NKX6-1: variants seen among roughly 807,000 people sequenced by gnomAD.
NKX6-1 encodes homeobox protein Nkx-6.1.
NKX6-1 carries 11 observed loss-of-function variants against 24.9 expected under a neutral mutation model. The observed-to-expected ratio is 0.44, with a 90% confidence interval of 0.28 to 0.73. NKX6-1 has a LOEUF of 0.73. Ranked by LOEUF, NKX6-1 falls within the 30% of genes least tolerant of loss-of-function variation. The probability of loss-of-function intolerance (pLI) is 0.15; values close to 1 mark genes in which losing one functional copy is unlikely to be tolerated. For missense variants in NKX6-1, 487 were observed against 502.9 expected (o/e 0.97, Z 0.30); for synonymous variants, 277 against 242.9 (o/e 1.14, Z -1.31).
rs1720753968 is a variant in NKX6-1, at chr4:84,493,041, C to T, written c.*248G>A. The T allele has an allele frequency of 6.4e-6, 2 of 314,170 alleles. No individual in the cohort carries two copies. Among genetic ancestry groups the T allele is most frequent in the Non-Finnish European group, 1.1e-5 (2 of 174,054 alleles). The allele number at this position is 314,170 out of a possible 1,614,324, so 19.5% of individuals were successfully genotyped here. On this transcript the variant is annotated 3_prime_UTR_variant, in exon 3 of 3. Coordinates refer to ENST00000295886, the MANE Select transcript of NKX6-1 (RefSeq NM_006168.3). The surrounding 1 kb of genome is among the most constrained non-coding windows in gnomAD (Gnocchi z 5.1). ...CTGCGGGTTTCAGTAGCGACATTTA[C>T]GCAGTGCATTTGGTGGTCTTTCTTG...
chr4:84,498,482 G>C lies in NKX6-1; in HGVS notation c.-254C>G, dbSNP rs1720877435. The C allele has an allele frequency of 2.5e-6, 1 of 393,678 alleles. No individual in the cohort carries two copies. The allele number at this position is 393,678 out of a possible 1,614,324, so 24.4% of individuals were successfully genotyped here. ...AGCAGGCGTCCCGGCGGGCTAGGCAGTCCTTTCGTTCCGCGAGTCCTAGAT... is the reference window on the plus strand; with the variant it reads ...AGCAGGCGTCCCGGCGGGCTAGGCACTCCTTTCGTTCCGCGAGTCCTAGAT... On this transcript the variant is annotated 5_prime_UTR_variant, in exon 1 of 3. Coordinates refer to ENST00000295886, the MANE Select transcript of NKX6-1 (RefSeq NM_006168.3).
Position 84,497,984 on chromosome 4 carries a change from G to C in NKX6-1, c.245C>G (p.Ser82Cys). The C allele has an allele frequency of 2.3e-6, 3 of 1,293,974 alleles. No homozygotes were observed. The highest frequency in any genetic ancestry group is 2.9e-6 in the Non-Finnish European group (3 of 1,018,354). The allele number at this position is 1,293,974 out of a possible 1,614,324, so 80.2% of individuals were successfully genotyped here. ...LKPPATGGLS[S>C]LGSPPQQLSA... Reference sequence around the variant, plus strand: ...GAGCTGCTGCGGGGGGCTGCCGAGGGATGAGAGCCCCCCCGTGGCCGGGGG... The same window carrying C: ...GAGCTGCTGCGGGGGGCTGCCGAGGCATGAGAGCCCCCCCGTGGCCGGGGG... Residue 82 changes from serine to cysteine, a missense_variant, in exon 1 of 3, where the codon TCC (serine) becomes TGC (cysteine). Around this residue, in one of 3 missense-constraint regions of NKX6-1, gnomAD observed 316 missense variants for 311.4 expected, o/e 1.01. Transcript: ENST00000295886. The surrounding 1 kb of genome is among the most constrained non-coding windows in gnomAD (Gnocchi z 4.8).
chr4:84,493,407 G>A lies in NKX6-1; in HGVS notation c.986C>T (p.Pro329Leu), dbSNP rs1720763835. Residue 329 changes from proline to leucine, a missense_variant, in exon 3 of 3, where the codon CCT (proline) becomes CTT (leucine). Pro to Leu is a moderately conservative substitution (Grantham distance 98). Around this residue, in one of 3 missense-constraint regions of NKX6-1, gnomAD observed 126 missense variants for 105.5 expected, o/e 1.19. Transcript: ENST00000295886. The surrounding 1 kb of genome is among the most constrained non-coding windows in gnomAD (Gnocchi z 5.1). ...CTCGTCGTCCGAGTTGGGATCCAGAGGCTTATTGTAGTCGTCGTCCTCTTC... is the reference window on the plus strand; with the variant it reads ...CTCGTCGTCCGAGTTGGGATCCAGAAGCTTATTGTAGTCGTCGTCCTCTTC... Reference protein sequence around the residue: ...NEEEDDDYNKPLDPNSDDEKI... With the variant: ...NEEEDDDYNKLLDPNSDDEKI... 1 of 1,614,226 alleles carries A rather than the reference G, an allele frequency of 6.2e-7. No homozygotes were observed. Among genetic ancestry groups the A allele is most frequent in the South Asian group, 1.1e-5 (1 of 91,090 alleles).
rs1392910580 is a variant in NKX6-1, at chr4:84,493,473, T to C, written c.920A>G (p.Asp307Gly). The change falls in exon 3 of 3, where the codon GAC becomes GGC. Residue 307 changes from aspartate to glycine, a missense_variant. By Grantham distance (94) the Asp-to-Gly change is moderately conservative (BLOSUM62 -1). This residue lies in a region of NKX6-1 where 126 missense variants were observed against 105.5 expected (regional missense o/e 1.19). Transcript: ENST00000295886. The surrounding 1 kb of genome is among the most constrained non-coding windows in gnomAD (Gnocchi z 5.1). ...AEMATAKKKQ[D>G]SETERLKGAS... ...CCCCTTGAGGCGCTCTGTCTCCGAG[T>C]CCTGCTTCTTCTTGGCCGTGGCCAT... The C allele has an allele frequency of 7.4e-6, 12 of 1,614,126 alleles. No homozygotes were observed. In the Admixed American group the frequency reaches 2.0e-4, roughly 27 times the overall value.
chr4:84,497,800 AGCAGCCGCGGCG>A lies in NKX6-1; in HGVS notation c.417_428del (p.Ala147_Ala150del), dbSNP rs756376184. 1,088 of 1,267,826 alleles carry A rather than the reference AGCAGCCGCGGCG, an allele frequency of 8.6e-4. No homozygotes were observed. The highest frequency in any genetic ancestry group is 1.0e-3 in the Non-Finnish European group (1,054 of 1,009,898). 78.5% of individuals were successfully genotyped at this position (1,267,826 alleles called of 1,614,324 possible). A position where few individuals can be genotyped will look rare whatever the true frequency, so the allele number is the denominator to read the frequency against. On this transcript the variant is annotated inframe_deletion, in exon 1 of 3. Transcript: ENST00000295886. The surrounding 1 kb of genome is among the most constrained non-coding windows in gnomAD (Gnocchi z 4.8). ...ATGAGGCGGCGGCTGCGGCCGCGGC[AGCAGCCGCGGCG>A]GCGGCAGAGGCGGAGGAGGCAGAGG...
chr4:84,497,058 G>C lies in NKX6-1; in HGVS notation c.670+501C>G, dbSNP rs997665257. ...TACACTCACTTCCCGGGCGGTGGAG[G>C]GCTCACCGCTGCCGGGCCTCACTGC... is the stretch of plus-strand genomic sequence containing the variant. On this transcript the variant is annotated intron_variant, in intron 1 of 2. Transcript: ENST00000295886. This position sits in a 1 kb window ranked among gnomAD's most constrained non-coding sequence, Gnocchi z 4.8. The C allele has an allele frequency of 6.5e-6, 1 of 153,578 alleles. No homozygotes were observed. The highest frequency in any genetic ancestry group is 1.4e-5 in the Non-Finnish European group (1 of 69,014). 9.5% of individuals were successfully genotyped at this position (153,578 alleles called of 1,614,324 possible). A position where few individuals can be genotyped will look rare whatever the true frequency, so the allele number is the denominator to read the frequency against.
chr4:84,493,214 T>G lies in NKX6-1; in HGVS notation c.*75A>C. Reference sequence around the variant, plus strand: ...CCCCGAGGAGCGGGCAGGCGCGGCGTGCACGCGGTCCCCGCGCCCCTCGCG... The same window carrying G: ...CCCCGAGGAGCGGGCAGGCGCGGCGGGCACGCGGTCCCCGCGCCCCTCGCG... On this transcript the variant is annotated 3_prime_UTR_variant, in exon 3 of 3. Transcript: ENST00000295886. The surrounding 1 kb of genome is among the most constrained non-coding windows in gnomAD (Gnocchi z 5.1). The G allele has an allele frequency of 7.5e-7, 1 of 1,331,226 alleles. No individual in the cohort carries two copies. Among genetic ancestry groups the G allele is most frequent in the Non-Finnish European group, 9.7e-7 (1 of 1,035,452 alleles). 82.5% of individuals were successfully genotyped at this position (1,331,226 alleles called of 1,614,324 possible).
In NKX6-1 at chr4:84,497,830, G is replaced by A; in HGVS notation, c.399C>T (p.Ala133=). 7.9e-7 allele frequency: 1 copy of A among 1,272,062 alleles called. No individual in the cohort carries two copies. The allele number at this position is 1,272,062 out of a possible 1,614,324, so 78.8% of individuals were successfully genotyped here. The stretch of plus-strand genomic sequence containing the variant: ...CCGCGGCGGCGGCAGAGGCGGAGGA[G>A]GCAGAGGCGGACGAGGAAGAGGAGG... ...SSSSSSSSAS[A]SSASAAAAAA... The change falls in exon 1 of 3, where the codon GCC becomes GCT. Residue 133 remains alanine, a synonymous_variant. Transcript: ENST00000295886. The surrounding 1 kb of genome is among the most constrained non-coding windows in gnomAD (Gnocchi z 4.8).
chr4:84,498,706 G>C lies in NKX6-1; in HGVS notation c.-478C>G, dbSNP rs531524137. ...CTTTCTTTGGGGAGGTTCAAAGGACGCCTTGTGCAGCCCGTGGCGCTCCTC... is the reference window on the plus strand; with the variant it reads ...CTTTCTTTGGGGAGGTTCAAAGGACCCCTTGTGCAGCCCGTGGCGCTCCTC... On this transcript the variant is annotated 5_prime_UTR_variant, in exon 1 of 3. Coordinates refer to ENST00000295886, the MANE Select transcript of NKX6-1 (RefSeq NM_006168.3). Among the ~76,000 whole-genome samples, 1 of 152,318 alleles carries C rather than the reference G, an allele frequency of 6.6e-6. No homozygotes were observed. Among genetic ancestry groups the C allele is most frequent in the South Asian group, 2.1e-4 (1 of 4,828 alleles).
At chr4:84,496,354 C>A (rs1225310188) in intron 1 of NKX6-1, 2 of 151,994 alleles carry the variant, frequency 1.3e-5, no homozygotes, top group Admixed American at 6.5e-5. Flanking sequence ...TCGCTGCAGC[C>A]GAGGGGGAGA....
Position 84,497,568 on chromosome 4 carries a change from A to G in NKX6-1, c.661T>C (p.Cys221Arg). ...SPPWRDARLA[C>R]TPHQGSILLD... Reference sequence around the variant, plus strand: ...GGGTGGTAGTACTCACGAGGGGTACAGGCCAGGCGTGCGTCCCTCCAGGGC... The same window carrying G: ...GGGTGGTAGTACTCACGAGGGGTACGGGCCAGGCGTGCGTCCCTCCAGGGC... Residue 221 changes from cysteine (C) to arginine (R), a missense_variant, in exon 1 of 3, where the codon TGT (cysteine) becomes CGT (arginine). Physicochemically the swap from Cys to Arg is radical, Grantham distance 180. Transcript: ENST00000295886. The surrounding 1 kb of genome is among the most constrained non-coding windows in gnomAD (Gnocchi z 4.8). 17 of 1,262,456 alleles carry G rather than the reference A, an allele frequency of 1.3e-5. No homozygotes were observed. The highest frequency in any genetic ancestry group is 1.7e-5 in the Non-Finnish European group (17 of 997,238). The allele number at this position is 1,262,456 out of a possible 1,614,324, so 78.2% of individuals were successfully genotyped here. A position where few individuals can be genotyped will look rare whatever the true frequency, so the allele number is the denominator to read the frequency against.
rs1720837910 is a variant in NKX6-1, at chr4:84,497,241, G to C, written c.670+318C>G. 6.6e-6 allele frequency among the ~76,000 whole-genome samples: 1 copy of C among 152,092 alleles called. No homozygotes were observed. The highest frequency in any genetic ancestry group is 6.5e-5 in the Admixed American group (1 of 15,296). ...TGCGGTCCTGGCCAGGCCGTTTCAG[G>C]AACAGCCAGGGCCTCGGACGAGACA... On this transcript the variant is annotated intron_variant, in intron 1 of 2. Transcript: ENST00000295886. The surrounding 1 kb of genome is among the most constrained non-coding windows in gnomAD (Gnocchi z 4.8).
intron 2 of NKX6-1, 34 bp downstream of exon 2, chr4:84,495,638 T>C (rs780340174): frequency 3.1e-6 from 5 of 1,596,972 alleles, no homozygotes; most frequent in South Asian, 1.1e-5. Flanking sequence ...ACAGGGGCGG[T>C]ACCTATCCCT....
intron 1 of NKX6-1, 109 bp from the exon 2 acceptor site, chr4:84,495,953 G>T: frequency 8.7e-7 from 1 of 1,144,072 alleles, no homozygotes; most frequent in Non-Finnish European, 1.3e-6. Context: ...GGGAAAGAAA[G>T]CTCAGTCTGT....
At chr4:84,496,214 C>T (rs1256025532) in intron 1 of NKX6-1, among the ~76,000 whole-genome samples, 1 of 151,638 alleles carries the variant, frequency 6.6e-6, no homozygotes. Flanking sequence ...CTCGTTCGGC[C>T]CCGGAGCCTT....
Position 84,497,676 on chromosome 4 carries a change from C to T in NKX6-1, c.553G>A (p.Ala185Thr). 1.6e-6 allele frequency: 2 copies of T among 1,272,832 alleles called. No individual in the cohort carries two copies. The highest frequency in any genetic ancestry group is 2.0e-6 in the Non-Finnish European group (2 of 1,005,266). The allele number at this position is 1,272,832 out of a possible 1,614,324, so 78.8% of individuals were successfully genotyped here. A position where few individuals can be genotyped will look rare whatever the true frequency, so the allele number is the denominator to read the frequency against. The change falls in exon 1 of 3, where the codon GCC (alanine) becomes ACC (threonine). Residue 185 changes from alanine (A) to threonine (T), a missense_variant. By Grantham distance (58) the Ala-to-Thr change is moderately conservative (BLOSUM62 0). This residue lies in a region of NKX6-1 where 316 missense variants were observed against 311.4 expected (regional missense o/e 1.01). Transcript: ENST00000295886. This position sits in a 1 kb window ranked among gnomAD's most constrained non-coding sequence, Gnocchi z 4.8. Reference sequence around the variant, plus strand: ...GGCTTGGGGTACCGGCCCACGGCGGCCACGGCCGCGGCGCTGGGGCTGAAG... The same window carrying T: ...GGCTTGGGGTACCGGCCCACGGCGGTCACGGCCGCGGCGCTGGGGCTGAAG... ...LYFSPSAAAV[A>T]AVGRYPKPLA...
At position 84,496,924 on chromosome 4, in the gene NKX6-1, C is replaced by T. The variant is rs1479568623; in HGVS notation, c.670+635G>A. On this transcript the variant is annotated intron_variant, in intron 1 of 2. Transcript: ENST00000295886. ...GAGCGGCTGGAAGCGCTCGCCCTGCCCTGGGGACGCTGGACTGTCTTCAAT... is the reference window on the plus strand; with the variant it reads ...GAGCGGCTGGAAGCGCTCGCCCTGCTCTGGGGACGCTGGACTGTCTTCAAT... The T allele has an allele frequency of 2.0e-5, 3 of 152,434 alleles. No homozygotes were observed. In the East Asian group the frequency reaches 5.8e-4, roughly 30 times the overall value. The allele number at this position is 152,434 out of a possible 1,614,324, so 9.4% of individuals were successfully genotyped here. A position where few individuals can be genotyped will look rare whatever the true frequency, so the allele number is the denominator to read the frequency against.
rs574695078 is a variant in NKX6-1, at chr4:84,493,293, G to T, written c.1100C>A (p.Ser367Tyr). 3.8e-6 allele frequency: 6 copies of T among 1,575,812 alleles called. No individual in the cohort carries two copies. In the East Asian group the frequency reaches 1.1e-4, roughly 30 times the overall value. Residue 367 changes from serine (S) to tyrosine (Y), a missense_variant, in exon 3 of 3, where the codon TCC becomes TAC. By Grantham distance (144) the Ser-to-Tyr change is moderately radical. Transcript: ENST00000295886. This position sits in a 1 kb window ranked among gnomAD's most constrained non-coding sequence, Gnocchi z 5.1. ...AGGTGCGGCGGGCGGCGGCGTTCAG[G>T]ATGAGCTCTCCGGCTCGGACGCGTG... ...LLHASEPESS[S>Y] is the part of the protein sequence containing the mutation.
intron 1 of NKX6-1, 96 bp from the exon 2 acceptor site, chr4:84,495,940 G>C (rs762824444): frequency 4.7e-6 from 6 of 1,273,640 alleles, no homozygotes; most frequent in Non-Finnish European, 5.6e-6. Context: ...ACAATGTTTT[G>C]TGGGGAAAGA....
Sources: gnomAD v4.1 joint callset for allele counts (sites outside exome capture counted in the v4.1 genomes callset) on GRCh38, gnomAD v4.1.1 for gene constraint, gnomAD v4.1.1 regional missense constraint, Gnocchi (gnomAD v3.1) non-coding constraint, MANE v1.5 for transcripts, NCBI Gene and HGNC (gene_info 2026-07-23, HGNC 2026-07-21) for gene names.